Variants in TUBB6 observed in about 807,000 individuals in gnomAD.
TUBB6 encodes tubulin beta 6 class V, also known as tubulin beta-6 chain.
Under a neutral mutation model 32.3 loss-of-function variants are expected in TUBB6, and 18 were observed. The observed-to-expected ratio is 0.56, with a 90% CI of 0.39 to 0.83. TUBB6 has a LOEUF of 0.83. Ranked by LOEUF, TUBB6 falls within the 40% of genes least tolerant of loss-of-function variation. The pLI, the probability that TUBB6 is intolerant of heterozygous loss-of-function variation, is 0.00. For missense variants in TUBB6, 480 were observed against 632.0 expected (o/e 0.76, Z 2.58); for synonymous variants, 280 against 265.8 (o/e 1.05, Z -0.52).
downstream of TUBB6, among the ~76,000 whole-genome samples, chr18:12,326,839 C>CT (rs1425480623): frequency 6.6e-6 from 1 of 152,192 alleles, no homozygotes; most frequent in Non-Finnish European, 1.5e-5. Context: ...AAGTCAGGTC[C>CT]TGGGCTAGGG....
At chr18:12,316,424 C>T (rs1347371921) in intron 3 of TUBB6, among the ~76,000 whole-genome samples, 1 of 152,170 alleles carries the variant, frequency 6.6e-6, no homozygotes, top group Admixed American at 6.5e-5. Flanking sequence ...TAGAAATGAC[C>T]TTTGGCACAT....
At chr18:12,308,146 G>A (rs1906088660), upstream of TUBB6, 2 of 313,132 alleles carry the variant, frequency 6.4e-6, no homozygotes, top group South Asian at 1.1e-4. Flanking sequence ...GGCGTCGAGC[G>A]GGGGCGGCGG....
At chr18:12,324,260 C>CA (rs1319014328) in intron 3 of TUBB6, among the ~76,000 whole-genome samples, 1 of 151,908 alleles carries the variant, frequency 6.6e-6, no homozygotes, top group Non-Finnish European at 1.5e-5. Context: ...GTCCCGGCTA[C>CA]ACGGGAGGCT....
downstream of TUBB6, among the ~76,000 whole-genome samples, chr18:12,326,788 G>A (rs149037401): frequency 2.2e-4 from 33 of 152,254 alleles, no homozygotes; most frequent in East Asian, 4.6e-3. Flanking sequence ...TCCTCCATCC[G>A]CAGCCACCTT....
At chr18:12,308,198 G>GGGGCGC (rs1340400460), upstream of TUBB6, 1 of 885,482 alleles carries the variant, frequency 1.1e-6, no homozygotes, top group Non-Finnish European at 1.4e-6. Context: ...GGCGGGGGCG[G>GGGGCGC]GGGCGCGGAG....
At chr18:12,323,787 T>C (rs574343964) in intron 3 of TUBB6, among the ~76,000 whole-genome samples, 72 of 151,642 alleles carry the variant, frequency 4.7e-4, no homozygotes, top group African/African-American at 1.7e-3. Context: ...CCAGCCTGGG[T>C]GGCAGAGCAA....
In TUBB6 at chr18:12,325,751, T is replaced by G. The variant is rs754261840; in HGVS notation, c.962T>G (p.Met321Arg). ...LTVATVFRGP[M>R]SMKEVDEQML... Reference sequence around the variant, plus strand: ...GTGGCCACCGTGTTCCGCGGGCCCATGTCCATGAAGGAGGTGGACGAGCAG... The same window carrying G: ...GTGGCCACCGTGTTCCGCGGGCCCAGGTCCATGAAGGAGGTGGACGAGCAG... The change falls in exon 4 of 4, where the codon ATG (methionine) becomes AGG (arginine). Residue 321 changes from methionine to arginine, a missense_variant. Transcript: ENST00000317702. 1 of 1,614,240 alleles carries G rather than the reference T, an allele frequency of 6.2e-7. No homozygotes were observed. The highest frequency in any genetic ancestry group is 1.3e-5 in the African/African-American group (1 of 75,066).
In TUBB6 at chr18:12,321,484, G is replaced by A. The variant is rs76860000; in HGVS notation, c.278-3583G>A. 8.8e-3 allele frequency among the ~76,000 whole-genome samples: 1,339 copies of A among 152,330 alleles called. 11 individuals carry two copies. The highest frequency in any genetic ancestry group is 0.033 in the South Asian group (157 of 4,820). On this transcript the variant is annotated intron_variant, in intron 3 of 3. Transcript: ENST00000317702. ...GTCCACTAATTAAAGATTGACAAGT[G>A]AAAGGCAGCTTGCTTACCCGATGTA...
chr18:12,314,477 C>T (rs908868069), intron 3 of TUBB6, among the ~76,000 whole-genome samples: 3 of 151,988 alleles, frequency 2.0e-5, no homozygotes, highest in African/African-American at 7.2e-5. Context: ...ACTAATACAC[C>T]TTTTAGAAAT....
At chr18:12,329,501 C>T (rs1907444881), downstream of TUBB6, 2 of 1,518,882 alleles carry the variant, frequency 1.3e-6, no homozygotes, top group Admixed American at 1.7e-5. Flanking sequence ...CTGAAAGCCA[C>T]AGCTGAAATA....
intron 3 of TUBB6, among the ~76,000 whole-genome samples, chr18:12,314,043 A>C (rs981653317): frequency 2.0e-5 from 3 of 152,220 alleles, no homozygotes; most frequent in Non-Finnish European, 4.4e-5. Flanking sequence ...TAACTCACTT[A>C]CTAAGTAGGT....
intron 3 of TUBB6, among the ~76,000 whole-genome samples, chr18:12,322,292 C>G (rs1384832995): frequency 1.3e-5 from 2 of 151,408 alleles, no homozygotes; most frequent in African/African-American, 4.9e-5. Flanking sequence ...AGTGAGACTC[C>G]ATCTCAAAAT....
downstream of TUBB6, chr18:12,329,765 C>A: frequency 1.2e-6 from 2 of 1,613,996 alleles, no homozygotes; most frequent in Non-Finnish European, 1.7e-6. Flanking sequence ...ACTTCTTTTT[C>A]TAACAACAGA....
At chr18:12,327,263 G>C (rs965664011), downstream of TUBB6, among the ~76,000 whole-genome samples, 2 of 152,110 alleles carry the variant, frequency 1.3e-5, no homozygotes, top group Non-Finnish European at 2.9e-5. Flanking sequence ...CTGTCCACCC[G>C]TCCAGGTTCC....
At chr18:12,329,381 T>C (rs535570927), downstream of TUBB6, 2 of 701,728 alleles carry the variant, frequency 2.9e-6, no homozygotes, top group Admixed American at 4.3e-5. Context: ...CTCCGGAAAG[T>C]CACCTGCCAC....
At chr18:12,324,667 T>C in intron 3 of TUBB6, 1 of 637,852 alleles carries the variant, frequency 1.6e-6, no homozygotes, top group Non-Finnish European at 2.2e-6. Context: ...CCCAGGCTGG[T>C]CTCTAACTCC....
chr18:12,308,439 C>A, intron 1 of TUBB6, 90 bp downstream of exon 1: 1 of 1,054,532 alleles, frequency 9.5e-7, no homozygotes, highest in Non-Finnish European at 1.2e-6. Flanking sequence ...GGCGCGCACC[C>A]GCTGTGCGCC....
intron 3 of TUBB6, among the ~76,000 whole-genome samples, chr18:12,315,443 G>A (rs1043009176): frequency 6.6e-6 from 1 of 152,200 alleles, no homozygotes; most frequent in Non-Finnish European, 1.5e-5. Context: ...AATGCCACCA[G>A]CAGTGTCTGA....
chr18:12,329,514 G>A (rs377073538), downstream of TUBB6: 38 of 1,547,666 alleles, frequency 2.5e-5, no homozygotes, highest in African/African-American at 4.1e-4. Context: ...CTGAAATAAT[G>A]CACCAGCTGA....
Sources: allele counts gnomAD v4.1 joint callset (sites outside exome capture counted in the v4.1 genomes callset), GRCh38; gene constraint gnomAD v4.1.1; transcripts MANE v1.5; gene names NCBI Gene and HGNC (gene_info 2026-07-23, HGNC 2026-07-21).